The following HTR4 variants were observed in gnomAD, a reference collection of about 807,000 sequenced individuals.
The protein encoded by HTR4 is 5-hydroxytryptamine (serotonin) receptor 4, G protein-coupled.
HTR4 carries 16 observed loss-of-function variants against 36.8 expected under a neutral mutation model. The ratio of observed to expected loss-of-function variants is 0.43; its 90% confidence interval spans 0.29 to 0.66. HTR4 has a LOEUF of 0.66. HTR4 is among the 30% of genes least tolerant of loss of function. The probability of loss-of-function intolerance (pLI) is 0.13; values close to 1 mark genes in which losing one functional copy is unlikely to be tolerated. For missense variants in HTR4, 438 were observed against 490.9 expected (o/e 0.89, Z 1.02); for synonymous variants, 189 against 185.1 (o/e 1.02, Z -0.17).
At chr5:148,489,845 C>T (rs13153941) in intron 6 of HTR4, among the ~76,000 whole-genome samples, 47,628 of 151,526 alleles carry the variant, frequency 0.31, 7,719 homozygotes, top group Non-Finnish European at 0.36. Flanking sequence ...TCCTACTGTA[C>T]TGCTCAAGGT....
At position 148,654,218 on chromosome 5, in the gene HTR4, G is replaced by T; in HGVS notation, c.-204C>A. 1 of 985,066 alleles carries T rather than the reference G, an allele frequency of 1.0e-6. No homozygotes were observed. The highest frequency in any genetic ancestry group is 1.2e-6 in the Non-Finnish European group (1 of 829,832). 61.0% of individuals were successfully genotyped at this position (985,066 alleles called of 1,614,324 possible). On this transcript the variant is annotated 5_prime_UTR_variant, in exon 1 of 7. Transcript: ENST00000377888. ...CTCGGGTGCGGGCTCCAGCCCCCGCGCTGGGGAGCCGGCGAGCGTGAGGCG... is the reference window on the plus strand; with the variant it reads ...CTCGGGTGCGGGCTCCAGCCCCCGCTCTGGGGAGCCGGCGAGCGTGAGGCG...
chr5:148,617,141 T>C (rs74982827), intron 2 of HTR4, among the ~76,000 whole-genome samples: 2,557 of 152,320 alleles, frequency 0.017, 121 homozygotes, highest in East Asian at 0.12. Context: ...AGATTTCTCA[T>C]AAATGGTTTA....
At chr5:148,527,435 T>A (rs17108376) in intron 4 of HTR4, among the ~76,000 whole-genome samples, 23,265 of 152,200 alleles carry the variant, frequency 0.15, 3,184 homozygotes, top group African/African-American at 0.36. Context: ...GACATAATGA[T>A]CATCCCATGA....
intron 5 of HTR4, among the ~76,000 whole-genome samples, chr5:148,512,004 T>C (rs1169034468): frequency 6.6e-6 from 1 of 152,206 alleles, no homozygotes; most frequent in African/African-American, 2.4e-5. Flanking sequence ...TTATAGTACA[T>C]TGACATCACT....
At chr5:148,532,463 T>A (rs950195932) in intron 4 of HTR4, among the ~76,000 whole-genome samples, 1 of 152,200 alleles carries the variant, frequency 6.6e-6, no homozygotes, top group African/African-American at 2.4e-5. Context: ...CCAAGTACAA[T>A]AAATTCCATT....
At chr5:148,594,561 T>C (rs2127261748) in intron 2 of HTR4, among the ~76,000 whole-genome samples, 1 of 152,276 alleles carries the variant, frequency 6.6e-6, no homozygotes, top group African/African-American at 2.4e-5. Flanking sequence ...GACAGGTACA[T>C]GTGGGCCTCC....
At chr5:148,493,537 A>T in intron 6 of HTR4, among the ~76,000 whole-genome samples, 1 of 152,358 alleles carries the variant, frequency 6.6e-6, no homozygotes, top group East Asian at 1.9e-4. Flanking sequence ...TGATTCATGT[A>T]TCAACGATAA....
At chr5:148,574,905 T>C (rs1313127932) in intron 2 of HTR4, among the ~76,000 whole-genome samples, 1 of 152,126 alleles carries the variant, frequency 6.6e-6, no homozygotes, top group East Asian at 1.9e-4. Flanking sequence ...AATGTCCTTA[T>C]AGTGGAGCTT....
chr5:148,508,432 T>G (rs1757326109), intron 6 of HTR4, among the ~76,000 whole-genome samples: 1 of 152,188 alleles, frequency 6.6e-6, no homozygotes, highest in South Asian at 2.1e-4. Flanking sequence ...ACTGAACATT[T>G]AACTCCAAAG....
chr5:148,554,887 A>G (rs765355148), intron 2 of HTR4, among the ~76,000 whole-genome samples: 1 of 152,124 alleles, frequency 6.6e-6, no homozygotes, highest in African/African-American at 2.4e-5. Flanking sequence ...ACTTGTAAGT[A>G]AGAACATGCT....
In HTR4 at chr5:148,528,274, G is replaced by A. The variant is rs115773801; in HGVS notation, c.354-4928C>T. 2.2e-3 allele frequency among the ~76,000 whole-genome samples: 328 copies of A among 152,264 alleles called. 2 individuals are homozygous for A. The highest frequency in any genetic ancestry group is 7.4e-3 in the African/African-American group (306 of 41,542). On this transcript the variant is annotated intron_variant, in intron 4 of 6. Transcript: ENST00000377888. ...TTTTGACCTCTGCAGCTTCTTCAAT[G>A]TGGTCCTCTGTCTTACAGTAAACAT...
chr5:148,516,414 G>T (rs1313538982), intron 5 of HTR4, among the ~76,000 whole-genome samples: 6 of 149,624 alleles, frequency 4.0e-5, no homozygotes, highest in Non-Finnish European at 8.9e-5. Flanking sequence ...CCACCTCATG[G>T]GTTCAAGCGA....
Position 148,566,893 on chromosome 5 carries a change from AT to A in HTR4, c.27-16632del, listed in dbSNP as rs879581561. On this transcript the variant is annotated intron_variant, in intron 2 of 6. Transcript: ENST00000377888. ...CTAAAAAAATTTGAATTATTTCTTC[AT>A]TTTTTTTTTTACTTTTTCCCAGTAT... 3.2e-3 allele frequency among the ~76,000 whole-genome samples: 463 copies of A among 146,322 alleles called. 1 individual carries two copies. The highest frequency in any genetic ancestry group is 7.0e-3 in the Middle Eastern group (2 of 284).
rs1216805500 is a variant in HTR4 at position 148,548,714 on chromosome 5, G to A, written c.307C>T (p.Leu103Phe). Residue 103 changes from leucine to phenylalanine, a missense_variant, in exon 4 of 7, where the codon CTC (leucine) becomes TTC (phenylalanine). Transcript: ENST00000377888. ...AGGTGAAAAATCGATGCCGTTGTGA[G>A]CAGGACGTCCAGAGATGTCCGAACA... ...CLVRTSLDVL[L>F]TTASIFHLCC... The A allele has an allele frequency of 3.1e-6, 5 of 1,611,628 alleles. No homozygotes were observed. The highest frequency in any genetic ancestry group is 4.2e-6 in the Non-Finnish European group (5 of 1,178,766).
intron 5 of HTR4, among the ~76,000 whole-genome samples, chr5:148,470,563 G>A (rs1755543707): frequency 6.6e-6 from 1 of 152,144 alleles, no homozygotes; most frequent in African/African-American, 2.4e-5. Flanking sequence ...CTGTTTGATT[G>A]TTGTTATTTG....
rs1348294383 is a variant in HTR4 at position 148,512,406 on chromosome 5, A to C, written c.508-2382T>G. Among the ~76,000 whole-genome samples the C allele has an allele frequency of 2.0e-5, 3 of 152,182 alleles. No homozygotes were observed. The East Asian group carries it at 5.8e-4, about 29-fold the overall frequency. ...ATCCTGTCTTTTGAATTGATTATTC[A>C]GGTATTTTCCCATTTTAAAAATTAA... On this transcript the variant is annotated intron_variant, in intron 5 of 6. Coordinates refer to ENST00000377888, the MANE Select transcript of HTR4 (RefSeq NM_000870.7).
chr5:148,620,148 T>C (rs985298312), intron 2 of HTR4, among the ~76,000 whole-genome samples: 2 of 152,284 alleles, frequency 1.3e-5, no homozygotes, highest in Admixed American at 6.5e-5. Flanking sequence ...CCAGACCCAG[T>C]GAGAGCTTCA....
intron 5 of HTR4, among the ~76,000 whole-genome samples, chr5:148,458,474 C>T (rs1477126372): frequency 1.3e-5 from 2 of 152,026 alleles, no homozygotes; most frequent in Non-Finnish European, 2.9e-5. Flanking sequence ...CCACAGCCAG[C>T]TATAAGATTA....
intron 5 of HTR4, among the ~76,000 whole-genome samples, chr5:148,467,759 T>C (rs1362859979): frequency 6.6e-6 from 1 of 152,258 alleles, no homozygotes; most frequent in African/African-American, 2.4e-5. Context: ...CATTTTTCAC[T>C]GGCTCGAATG....
Sources: gnomAD v4.1 joint callset for allele counts (sites outside exome capture counted in the v4.1 genomes callset) on GRCh38, gnomAD v4.1.1 for gene constraint, MANE v1.5 for transcripts, NCBI Gene and HGNC (gene_info 2026-07-23, HGNC 2026-07-21) for gene names.